Variants in NICOL1 observed in about 807,000 individuals in gnomAD.
The protein encoded by NICOL1 is NELL2-interacting cell ontogeny regulator 1.
chr4:2,041,275 C>T, the NICOL1 span, among the ~76,000 whole-genome samples: 4 of 152,188 alleles, frequency 2.6e-5, no homozygotes, highest in East Asian at 3.9e-4. Context: ...CCCAGGGCGT[C>T]CGGGGCCCAG....
chr4:2,040,978 G>A, the NICOL1 span, among the ~76,000 whole-genome samples: 5 of 152,120 alleles, frequency 3.3e-5, no homozygotes, highest in Non-Finnish European at 7.4e-5. Context: ...CCCGGGGGTT[G>A]GGGGTAGAGG....
At chr4:2,042,814 T>C in the NICOL1 span, 6 of 1,495,012 alleles carry the variant, frequency 4.0e-6, no homozygotes, top group African/African-American at 1.4e-5. Flanking sequence ...GCCTGCAGCC[T>C]GGACGCGCGG....
At chr4:2,040,638 G>A in the NICOL1 span, among the ~76,000 whole-genome samples, 1 of 152,174 alleles carries the variant, frequency 6.6e-6, no homozygotes, top group Non-Finnish European at 1.5e-5. Context: ...GCGGAAGTGC[G>A]CACTAGCCCG....
At chr4:2,037,513 G>A in the NICOL1 span, among the ~76,000 whole-genome samples, 1 of 152,196 alleles carries the variant, frequency 6.6e-6, no homozygotes, top group Non-Finnish European at 1.5e-5. Context: ...AACATTAAAT[G>A]CTTAGATTAG....
the NICOL1 span, among the ~76,000 whole-genome samples, chr4:2,041,256 A>T: frequency 6.6e-6 from 1 of 151,354 alleles, no homozygotes; most frequent in East Asian, 2.0e-4. Context: ...GACGGCTGGG[A>T]CCATCCCTCC....
chr4:2,041,912 T>C, the NICOL1 span: 7 of 1,388,454 alleles, frequency 5.0e-6, no homozygotes, highest in East Asian at 3.0e-5. Context: ...CCTAGGTTCC[T>C]CTAAACCCGC....
At chr4:2,040,984 A>G in the NICOL1 span, among the ~76,000 whole-genome samples, 3 of 151,714 alleles carry the variant, frequency 2.0e-5, no homozygotes, top group East Asian at 3.9e-4. Flanking sequence ...GGTTGGGGGT[A>G]GAGGTCGGCT....
At chr4:2,037,541 T>A in the NICOL1 span, among the ~76,000 whole-genome samples, 1 of 152,232 alleles carries the variant, frequency 6.6e-6, no homozygotes, top group African/African-American at 2.4e-5. Flanking sequence ...GAAAGGGATC[T>A]TCTAGAAGTG....
the NICOL1 span, among the ~76,000 whole-genome samples, chr4:2,040,117 T>C: frequency 1.3e-5 from 2 of 152,038 alleles, no homozygotes; most frequent in Non-Finnish European, 2.9e-5. Flanking sequence ...TATATATATA[T>C]ATTTTTTGAG....
At chr4:2,040,078 G>A in the NICOL1 span, among the ~76,000 whole-genome samples, 15 of 152,006 alleles carry the variant, frequency 9.9e-5, no homozygotes, top group African/African-American at 3.6e-4. Flanking sequence ...TCATGGGAAT[G>A]AAGATGCATT....
At chr4:2,041,007 G>A in the NICOL1 span, among the ~76,000 whole-genome samples, 2 of 152,130 alleles carry the variant, frequency 1.3e-5, no homozygotes, top group Non-Finnish European at 2.9e-5. Context: ...GCTGGGGAGG[G>A]GGGCGCCCGA....
chr4:2,040,251 C>T, the NICOL1 span, among the ~76,000 whole-genome samples: 3 of 152,312 alleles, frequency 2.0e-5, no homozygotes, highest in East Asian at 3.9e-4. Context: ...GGATTACAGG[C>T]GCGTGCCACC....
the NICOL1 span, chr4:2,042,031 T>C: frequency 9.1e-5 from 135 of 1,475,518 alleles, no homozygotes; most frequent in African/African-American, 1.9e-3. Flanking sequence ...CGTCTGCCGG[T>C]GTCCCCGCGC....
chr4:2,037,559 A>G, the NICOL1 span, among the ~76,000 whole-genome samples: 4 of 152,256 alleles, frequency 2.6e-5, no homozygotes, highest in African/African-American at 9.6e-5. Context: ...GTGTTTCTTC[A>G]TATGAAAAAA....
At chr4:2,042,659 G>T in the NICOL1 span, 65 of 810,092 alleles carry the variant, frequency 8.0e-5, no homozygotes, top group Non-Finnish European at 9.4e-5. Context: ...GCACTGGGTG[G>T]ACGGGCCCAG....
At chr4:2,042,669 G>T in the NICOL1 span, 2 of 925,344 alleles carry the variant, frequency 2.2e-6, no homozygotes, top group Admixed American at 2.7e-5. Flanking sequence ...GACGGGCCCA[G>T]AGTGCGTGGG....
the NICOL1 span, chr4:2,041,947 T>G: frequency 2.1e-6 from 3 of 1,450,744 alleles, no homozygotes; most frequent in Non-Finnish European, 2.7e-6. Context: ...CGGGTTTCCA[T>G]GACGACGACG....
the NICOL1 span, among the ~76,000 whole-genome samples, chr4:2,038,249 A>G: frequency 1.4e-3 from 82 of 60,546 alleles, 2 homozygotes; most frequent in African/African-American, 5.7e-3. Context: ...ATATATATAT[A>G]TATATATATA....
chr4:2,042,850 T>C, the NICOL1 span: 1 of 1,443,792 alleles, frequency 6.9e-7, no homozygotes, highest in South Asian at 1.3e-5. Context: ...GCGACGGTCC[T>C]CCCGGGCTTC....
Sources: gnomAD v4.1 joint callset for allele counts (sites outside exome capture counted in the v4.1 genomes callset) on GRCh38, gnomAD v4.1.1 for gene constraint, MANE v1.5 for transcripts, NCBI Gene and HGNC (gene_info 2026-07-23, HGNC 2026-07-21) for gene names.